Variants in AKAP6 observed in about 807,000 individuals in gnomAD.
AKAP6 encodes the protein A-kinase anchoring protein 6, also known as A-kinase anchor protein 6.
A neutral mutation model predicts 188.5 loss-of-function variants in AKAP6; 58 were observed. The ratio of observed to expected loss-of-function variants is 0.31; its 90% CI spans 0.25 to 0.38. The LOEUF (loss-of-function observed/expected upper bound fraction) is 0.38, where lower values mean the gene tolerates loss of function less well. AKAP6 is among the 10% of genes least tolerant of loss of function. AKAP6 has a pLI of 1.00. For missense variants in AKAP6, 2,710 were observed against 2,740.0 expected (o/e 0.99, Z 0.24); for synonymous variants, 989 against 998.6 (o/e 0.99, Z 0.18).
chr14:32,438,491 G>A (rs1021559189), intron 2 of AKAP6, among the ~76,000 whole-genome samples: 2 of 152,084 alleles, frequency 1.3e-5, no homozygotes, highest in African/African-American at 4.8e-5. Flanking sequence ...AGTTCTTAGG[G>A]GAAATTTTAC....
chr14:32,415,936 T>C (rs544596500), intron 1 of AKAP6, among the ~76,000 whole-genome samples: 1 of 152,318 alleles, frequency 6.6e-6, no homozygotes, highest in African/African-American at 2.4e-5. Flanking sequence ...TGTTTTGCCA[T>C]TCATCTGTTG....
intron 1 of AKAP6, among the ~76,000 whole-genome samples, chr14:32,432,726 A>C (rs1890261771): frequency 6.6e-6 from 1 of 152,208 alleles, no homozygotes; most frequent in Non-Finnish European, 1.5e-5. Context: ...CACGTATTGA[A>C]TATGTTGATT....
chr14:32,619,681 T>C (rs562254047), intron 7 of AKAP6, among the ~76,000 whole-genome samples: 11 of 152,286 alleles, frequency 7.2e-5, no homozygotes, highest in Admixed American at 1.3e-4. Context: ...CTTTGAATTT[T>C]AGGATTTTTT....
chr14:32,671,256 C>G (rs1384531070), intron 7 of AKAP6, among the ~76,000 whole-genome samples: 1 of 152,050 alleles, frequency 6.6e-6, no homozygotes, highest in African/African-American at 2.4e-5. Context: ...GAGAGCACAC[C>G]CACCAGCCCT....
chr14:32,823,069 C>G lies in AKAP6; in HGVS notation c.5256C>G (p.Asp1752Glu). The change falls in exon 13 of 14, where the codon GAC (aspartate) becomes GAG (glutamate). Residue 1752 changes from aspartate to glutamate, a missense_variant. By Grantham distance (45) the Asp-to-Glu change is conservative. Coordinates refer to ENST00000280979, the MANE Select transcript of AKAP6 (RefSeq NM_004274.5). Reference protein sequence around the residue: ...CTSACTDDEDDSDLLSSSTLT... With the variant: ...CTSACTDDEDESDLLSSSTLT... ...CTGCTTGCACTGATGATGAAGATGACAGCGACCTGCTCTCCAGCTCTACCC... is the reference window on the plus strand; with the variant it reads ...CTGCTTGCACTGATGATGAAGATGAGAGCGACCTGCTCTCCAGCTCTACCC... 1 of 1,613,788 alleles carries G rather than the reference C, an allele frequency of 6.2e-7. No homozygotes were observed. The highest frequency in any genetic ancestry group is 8.5e-7 in the Non-Finnish European group (1 of 1,179,894).
At chr14:32,634,404 T>G (rs1207167097) in intron 7 of AKAP6, among the ~76,000 whole-genome samples, 1 of 152,082 alleles carries the variant, frequency 6.6e-6, no homozygotes, top group East Asian at 1.9e-4. Context: ...TAACCAAACT[T>G]CAACTTTGAG....
chr14:32,540,946 A>C (rs1379847803), intron 3 of AKAP6, among the ~76,000 whole-genome samples: 1 of 152,018 alleles, frequency 6.6e-6, no homozygotes, highest in Non-Finnish European at 1.5e-5. Flanking sequence ...ATAAAAGACT[A>C]CAAATAGGGT....
In AKAP6 at chr14:32,347,424, C is replaced by T. The variant is rs894489692; in HGVS notation, c.-35+18016C>T. Among the ~76,000 whole-genome samples, 4 of 152,152 alleles carry T rather than the reference C, an allele frequency of 2.6e-5. No homozygotes were observed. The East Asian group carries it at 7.7e-4, about 29-fold the overall frequency. On this transcript the variant is annotated intron_variant, in intron 1 of 13. Transcript: ENST00000280979. ...CCATCCCCTTTCTGATGTATTGTTG[C>T]CTGACACACACACCCACTTTCGGAC...
In AKAP6 at chr14:32,822,884, C is replaced by T. The variant is rs1284507526; in HGVS notation, c.5071C>T (p.Leu1691Phe). The change falls in exon 13 of 14, where the codon CTT (leucine) becomes TTT (phenylalanine). Residue 1691 changes from leucine (L) to phenylalanine (F), a missense_variant. Physicochemically the swap from Leu to Phe is conservative, Grantham distance 22. Transcript: ENST00000280979. ...AGACTCAGCGGCATCTCTAACAGAACTTAGCAGCAGTGACGAGCTCTCTCT... is the reference window on the plus strand; with the variant it reads ...AGACTCAGCGGCATCTCTAACAGAATTTAGCAGCAGTGACGAGCTCTCTCT... ...NEDSAASLTE[L>F]SSSDELSLCS... 1.9e-6 allele frequency: 3 copies of T among 1,613,782 alleles called. No homozygotes were observed. Among genetic ancestry groups the T allele is most frequent in the Non-Finnish European group, 2.5e-6 (3 of 1,179,932 alleles).
At chr14:32,774,021 C>A in intron 12 of AKAP6, 128 bp downstream of exon 12, 3 of 1,016,468 alleles carry the variant, frequency 3.0e-6, no homozygotes, top group Non-Finnish European at 3.0e-6. Flanking sequence ...GTTTTGCCAT[C>A]TTACAAGTGG....
At chr14:32,674,386 G>A (rs966358955) in intron 7 of AKAP6, among the ~76,000 whole-genome samples, 54 of 152,198 alleles carry the variant, frequency 3.5e-4, no homozygotes, top group African/African-American at 1.2e-3. Context: ...AGGGAGATAC[G>A]TGTTAGAAGA....
intron 7 of AKAP6, among the ~76,000 whole-genome samples, chr14:32,622,174 C>T (rs1886840007): frequency 6.6e-6 from 1 of 151,970 alleles, no homozygotes; most frequent in Admixed American, 6.6e-5. Flanking sequence ...GTTTTAGCTA[C>T]TTACTGCTTC....
At chr14:32,496,010 G>A (rs1478267171) in intron 2 of AKAP6, among the ~76,000 whole-genome samples, 1 of 152,166 alleles carries the variant, frequency 6.6e-6, no homozygotes, top group Non-Finnish European at 1.5e-5. Flanking sequence ...TTGGCTTCAA[G>A]TATCTGGCAC....
intron 9 of AKAP6, among the ~76,000 whole-genome samples, chr14:32,717,608 T>TCACACACACACACACA (rs57925449): frequency 6.8e-6 from 1 of 147,736 alleles, no homozygotes; most frequent in African/African-American, 2.5e-5. Flanking sequence ...TTGTCTCTTA[T>TCACACACACACACACA]CACACACACA....
At chr14:32,448,335 A>G (rs886654533) in intron 2 of AKAP6, among the ~76,000 whole-genome samples, 2 of 152,192 alleles carry the variant, frequency 1.3e-5, no homozygotes, top group Admixed American at 1.3e-4. Flanking sequence ...TCCCCAATCT[A>G]TTCTTTCTGC....
intron 4 of AKAP6, among the ~76,000 whole-genome samples, chr14:32,571,435 CAGG>C (rs1384918454): frequency 1.3e-5 from 2 of 152,218 alleles, no homozygotes; most frequent in East Asian, 3.9e-4. Flanking sequence ...GTGGCTGAGG[CAGG>C]AGAATTCCTT....
chr14:32,822,315 G>C lies in AKAP6; in HGVS notation c.4502G>C (p.Gly1501Ala), dbSNP rs1302939388. Residue 1501 changes from glycine to alanine, a missense_variant, in exon 13 of 14, where the codon GGT (glycine) becomes GCT (alanine). This residue lies in a region of AKAP6 where 2,473 missense variants were observed against 2,426.1 expected (regional missense o/e 1.02). Transcript: ENST00000280979. ...CATGTGGAGGATCCCCTGCTTCGTG[G>C]TTTTTATTTTGATAAAAAATCATGC... is the stretch of plus-strand genomic sequence containing the variant. Reference protein sequence around the residue: ...KAHVEDPLLRGFYFDKKSCKS... With the variant: ...KAHVEDPLLRAFYFDKKSCKS... 1.9e-6 allele frequency: 3 copies of C among 1,613,740 alleles called. No individual in the cohort carries two copies. Among genetic ancestry groups the C allele is most frequent in the African/African-American group, 2.7e-5 (2 of 74,870 alleles).
At chr14:32,811,941 A>G (rs1320378816) in intron 12 of AKAP6, among the ~76,000 whole-genome samples, 11 of 152,224 alleles carry the variant, frequency 7.2e-5, no homozygotes, top group Admixed American at 6.5e-4. Context: ...ACTTGTTTAC[A>G]TGACTATTCA....
chr14:32,335,724 C>G (rs1886668897), intron 1 of AKAP6, among the ~76,000 whole-genome samples: 1 of 151,582 alleles, frequency 6.6e-6, no homozygotes, highest in Admixed American at 6.6e-5. Context: ...TATTAATTCT[C>G]TTGCCCTTTG....
Sources: gnomAD v4.1 joint callset for allele counts (sites outside exome capture counted in the v4.1 genomes callset) on GRCh38, gnomAD v4.1.1 for gene constraint, gnomAD v4.1.1 regional missense constraint, MANE v1.5 for transcripts, NCBI Gene and HGNC (gene_info 2026-07-23, HGNC 2026-07-21) for gene names.